The following ROPN1B variants were observed in gnomAD, a reference collection of about 807,000 sequenced individuals.
ROPN1B encodes the protein rhophilin associated tail protein 1B, also known as ropporin-1B.
A neutral mutation model predicts 23.7 loss-of-function variants in ROPN1B; 13 were observed. That is an observed-to-expected ratio of 0.55 (90% confidence interval 0.36 to 0.87). ROPN1B has a LOEUF of 0.87. Among genes scored for constraint, ROPN1B ranks in the 40% least tolerant of loss-of-function variants. ROPN1B has a pLI of 0.01. For synonymous variants in ROPN1B, 67 were observed against 100.4 expected (o/e 0.67, Z 1.99); for missense variants, 183 against 249.2 (o/e 0.73, Z 1.79).
At chr3:125,972,020 T>C (rs528729954) in intron 2 of ROPN1B, 23 bp from the exon 3 acceptor site, 7 of 1,605,024 alleles carry the variant, frequency 4.4e-6, no homozygotes, top group South Asian at 1.1e-5. Flanking sequence ...TTTCATCTTA[T>C]GTATTTTTTC....
At chr3:125,980,681 G>A (rs1488639991) in intron 5 of ROPN1B, among the ~76,000 whole-genome samples, 2 of 152,120 alleles carry the variant, frequency 1.3e-5, no homozygotes, top group Non-Finnish European at 2.9e-5. Flanking sequence ...GAACAATTCA[G>A]CCCATACCAC....
At chr3:125,979,812 C>A (rs1432835758) in intron 5 of ROPN1B, among the ~76,000 whole-genome samples, 1 of 152,160 alleles carries the variant, frequency 6.6e-6, no homozygotes, top group Non-Finnish European at 1.5e-5. Context: ...AGTCTAGTAA[C>A]AGGAATTTTT....
intron 5 of ROPN1B, among the ~76,000 whole-genome samples, chr3:125,981,743 ACC>A (rs916457694): frequency 3.0e-4 from 46 of 152,246 alleles, no homozygotes; most frequent in Middle Eastern, 3.4e-3. Context: ...ATTTAGATGG[ACC>A]CAGATGCTTT....
At chr3:125,976,862 C>T in intron 4 of ROPN1B, 142 bp from the exon 5 acceptor site, 2 of 826,296 alleles carry the variant, frequency 2.4e-6, no homozygotes, top group Non-Finnish European at 4.3e-6. Context: ...CACACAGAGC[C>T]ATCTTTACCT....
chr3:125,980,543 CT>C (rs1414355174), intron 5 of ROPN1B, among the ~76,000 whole-genome samples: 1 of 152,144 alleles, frequency 6.6e-6, no homozygotes, highest in African/African-American at 2.4e-5. Flanking sequence ...TCTCTATGTC[CT>C]AACTCCTCTT....
intron 2 of ROPN1B, 132 bp downstream of exon 2, chr3:125,971,294 C>G (rs1261875553): frequency 6.6e-6 from 1 of 152,142 alleles, no homozygotes; most frequent in Non-Finnish European, 1.5e-5. Context: ...TGAGATTTGT[C>G]TGGCCTCTAG....
intron 3 of ROPN1B, among the ~76,000 whole-genome samples, chr3:125,974,409 G>GAGAC (rs757179537): frequency 2.2e-4 from 33 of 152,218 alleles, no homozygotes; most frequent in Non-Finnish European, 4.1e-4. Context: ...ATGTGGCTTA[G>GAGAC]AGACAGGCAA....
chr3:125,972,369 C>T lies in ROPN1B; in HGVS notation c.116+199C>T, dbSNP rs946942550. 2.9e-5 allele frequency: 18 copies of T among 612,338 alleles called. No individual in the cohort carries two copies. In the Admixed American group the frequency reaches 4.9e-4, roughly 17 times the overall value. 37.9% of individuals were successfully genotyped at this position (612,338 alleles called of 1,614,324 possible). On this transcript the variant is annotated intron_variant, in intron 3 of 6. Coordinates refer to ENST00000514116, the MANE Select transcript of ROPN1B (RefSeq NM_001308313.2). Reference sequence around the variant, plus strand: ...CTAGCCGGGCAAGGATGGGATGCCTCCCCTAAGCGAGCCAGATTGAGCAGT... The same window carrying T: ...CTAGCCGGGCAAGGATGGGATGCCTTCCCTAAGCGAGCCAGATTGAGCAGT...
At chr3:125,975,518 A>C in intron 3 of ROPN1B, 45 bp from the exon 4 acceptor site, 1 of 1,531,282 alleles carries the variant, frequency 6.5e-7, no homozygotes, top group Non-Finnish European at 8.9e-7. Flanking sequence ...GCCAGAGGCC[A>C]CTGGTGTATA....
chr3:125,969,867 C>T (rs1938131280), intron 1 of ROPN1B, among the ~76,000 whole-genome samples: 3 of 150,862 alleles, frequency 2.0e-5, no homozygotes, highest in Admixed American at 2.0e-4. Context: ...ATACCTGGCA[C>T]TTCATAGACT....
intron 4 of ROPN1B, 40 bp downstream of exon 4, chr3:125,975,720 A>AGT (rs1301229327): frequency 1.3e-6 from 2 of 1,562,428 alleles, no homozygotes; most frequent in South Asian, 2.4e-5. Context: ...ATGTAGGGAC[A>AGT]GTGTTGAGGC....
intron 5 of ROPN1B, among the ~76,000 whole-genome samples, chr3:125,978,862 A>G (rs1385207359): frequency 2.0e-5 from 3 of 152,142 alleles, no homozygotes; most frequent in Admixed American, 6.5e-5. Context: ...TCAGAGTAAC[A>G]AAGAGTGACT....
At position 125,982,278 on chromosome 3, in the gene ROPN1B, C is replaced by T. The variant is rs1938635133; in HGVS notation, c.405C>T (p.Thr135=). ...TTATGTAACTTTTATAGACTATTACCAAAACTCTCAAGATAGTGTGTGAGG... is the reference window on the plus strand; with the variant it reads ...TTATGTAACTTTTATAGACTATTACTAAAACTCTCAAGATAGTGTGTGAGG... ...LACSALGVTI[T]KTLKIVCEVL... Residue 135 remains threonine, a synonymous_variant, in exon 6 of 7, where the codon ACC becomes ACT. Transcript: ENST00000514116. 5 of 1,604,990 alleles carry T rather than the reference C, an allele frequency of 3.1e-6. No individual in the cohort carries two copies. The highest frequency in any genetic ancestry group is 1.3e-5 in the African/African-American group (1 of 74,510).
In ROPN1B at chr3:125,975,624, G is replaced by A. The variant is rs138282395; in HGVS notation, c.178G>A (p.Ala60Thr). The A allele has an allele frequency of 1.9e-5, 30 of 1,613,956 alleles. No individual in the cohort carries two copies. In the African/African-American group the frequency reaches 2.0e-4, roughly 11 times the overall value. ...GGTGAGAGAGCGGTCTGAGCGAGTC[G>A]CTTTGTGTAACTGGGCAGAGCTAAC... ...PPVRERSERV[A>T]LCNWAELTPE... The change falls in exon 4 of 7, where the codon GCT (alanine) becomes ACT (threonine). Residue 60 changes from alanine to threonine, a missense_variant. By Grantham distance (58) the Ala-to-Thr change is moderately conservative (BLOSUM62 0). This residue lies in a region of ROPN1B where 97 missense variants were observed against 99.6 expected (regional missense o/e 0.97). Transcript: ENST00000514116.
chr3:125,976,336 A>C (rs1328148032), intron 4 of ROPN1B, among the ~76,000 whole-genome samples: 1 of 152,206 alleles, frequency 6.6e-6, no homozygotes, highest in Non-Finnish European at 1.5e-5. Context: ...CAGTCAGGAA[A>C]GGTGTTGGAG....
chr3:125,976,441 T>C (rs1938417396), intron 4 of ROPN1B, among the ~76,000 whole-genome samples: 1 of 152,212 alleles, frequency 6.6e-6, no homozygotes, highest in Non-Finnish European at 1.5e-5. Context: ...GCAGTGAACA[T>C]GACAGAGCTC....
chr3:125,971,956 A>G, intron 2 of ROPN1B, 87 bp from the exon 3 acceptor site: 1 of 1,274,002 alleles, frequency 7.8e-7, no homozygotes, highest in Non-Finnish European at 1.1e-6. Flanking sequence ...TGAGTGTCAA[A>G]CAGAGGCTGG....
rs1221427093 is a variant in ROPN1B, at chr3:125,983,131, A to G, written c.573-123A>G. The G allele has an allele frequency of 4.0e-6, 3 of 744,166 alleles. No individual in the cohort carries two copies. In the East Asian group the frequency reaches 8.1e-5, roughly 20 times the overall value. 46.1% of individuals were successfully genotyped at this position (744,166 alleles called of 1,614,324 possible). A position where few individuals can be genotyped will look rare whatever the true frequency, so the allele number is the denominator to read the frequency against. ...GACAGAGCCAGACCCTGTCTCAGAA[A>G]AACAAAGTTAAGAGAAAAAGGAGCA... On this transcript the variant is annotated intron_variant, in intron 6 of 6. Coordinates refer to ENST00000514116, the MANE Select transcript of ROPN1B (RefSeq NM_001308313.2).
chr3:125,976,500 T>C (rs1313048192), intron 4 of ROPN1B, among the ~76,000 whole-genome samples: 1 of 152,182 alleles, frequency 6.6e-6, no homozygotes, highest in East Asian at 1.9e-4. Flanking sequence ...CAAATCCCCG[T>C]GGGTCAGCCA....
Sources: gnomAD v4.1 joint callset for allele counts (sites outside exome capture counted in the v4.1 genomes callset) on GRCh38, gnomAD v4.1.1 for gene constraint, gnomAD v4.1.1 regional missense constraint, MANE v1.5 for transcripts, NCBI Gene and HGNC (gene_info 2026-07-23, HGNC 2026-07-21) for gene names.